Variants in ADGRL2 observed in about 807,000 individuals in gnomAD.
ADGRL2 encodes calcium-independent alpha-latrotoxin receptor 2.
In ADGRL2, 44 loss-of-function variants were observed where a neutral mutation model predicts 157.4. That is an observed-to-expected ratio of 0.28 (90% CI 0.22 to 0.36). ADGRL2 has a LOEUF of 0.36. ADGRL2 is among the 10% of genes least tolerant of loss of function. ADGRL2 has a pLI of 1.00. For synonymous variants in ADGRL2, 585 were observed against 624.7 expected, an observed-to-expected ratio of 0.94 and a Z score of 0.95; for missense variants, 1,510 against 1,768.9, an observed-to-expected ratio of 0.85 and a Z score of 2.63.
chr1:81,789,365 AATG>A (rs1250094186), intron 2 of ADGRL2, among the ~76,000 whole-genome samples: 2 of 152,218 alleles, frequency 1.3e-5, no homozygotes, highest in East Asian at 3.8e-4. Flanking sequence ...AGAAAGATAA[AATG>A]ATGTTTAGTA....
intron 2 of ADGRL2, among the ~76,000 whole-genome samples, chr1:81,538,522 T>C (rs6663174): frequency 6.6e-6 from 1 of 152,150 alleles, no homozygotes; most frequent in Non-Finnish European, 1.5e-5. Flanking sequence ...TTCATGGTAG[T>C]TGTTCAGGCA....
intron 3 of ADGRL2, among the ~76,000 whole-genome samples, chr1:81,673,546 A>G (rs939405790): frequency 1.9e-4 from 23 of 120,054 alleles, no homozygotes; most frequent in African/African-American, 7.0e-4. Flanking sequence ...ACGGAGTCTC[A>G]CTCTGTCGCC....
intron 3 of ADGRL2, among the ~76,000 whole-genome samples, chr1:81,655,946 T>C (rs550890122): frequency 2.0e-5 from 3 of 152,248 alleles, no homozygotes; most frequent in East Asian, 3.9e-4. Flanking sequence ...GGTTCAAAGG[T>C]TCAGGACTGC....
intron 1 of ADGRL2, among the ~76,000 whole-genome samples, chr1:81,810,563 C>T (rs12126419): frequency 0.078 from 11,768 of 151,808 alleles, 558 homozygotes; most frequent in South Asian, 0.2. Context: ...TGTCAGGATG[C>T]TTATGGCGTA....
At chr1:81,936,513 A>G (rs1433836495) in intron 3 of ADGRL2, among the ~76,000 whole-genome samples, 1 of 151,866 alleles carries the variant, frequency 6.6e-6, no homozygotes, top group Non-Finnish European at 1.5e-5. Flanking sequence ...CTTCTAGTTA[A>G]AATTTAGTGT....
intron 1 of ADGRL2, among the ~76,000 whole-genome samples, chr1:81,403,242 GTTGT>G (rs71980349): frequency 0.39 from 47,613 of 121,714 alleles, 8,367 homozygotes; most frequent in East Asian, 0.63. Flanking sequence ...TTTTTTTGTT[GTTGT>G]TTGTTTGTTT....
At chr1:81,493,234 A>G (rs1231593331) in intron 2 of ADGRL2, among the ~76,000 whole-genome samples, 1 of 152,242 alleles carries the variant, frequency 6.6e-6, no homozygotes, top group Admixed American at 6.5e-5. Context: ...TAAATGCAAT[A>G]GCATGATAGC....
intron 1 of ADGRL2, among the ~76,000 whole-genome samples, chr1:81,418,803 T>C (rs561388805): frequency 6.6e-6 from 1 of 152,206 alleles, no homozygotes; most frequent in South Asian, 2.1e-4. Flanking sequence ...TCTAACTTGC[T>C]GAGGTTGATA....
chr1:81,644,980 T>C (rs2148817078), intron 3 of ADGRL2, among the ~76,000 whole-genome samples: 1 of 152,350 alleles, frequency 6.6e-6, no homozygotes, highest in Non-Finnish European at 1.5e-5. Context: ...TATGATGTAG[T>C]CCATTGATTG....
intron 2 of ADGRL2, among the ~76,000 whole-genome samples, chr1:81,556,293 C>T (rs771537947): frequency 2.7e-5 from 4 of 149,972 alleles, no homozygotes; most frequent in Admixed American, 1.3e-4. Context: ...CCTCATCCCC[C>T]GATTCTCAGG....
chr1:81,589,304 T>G (rs1369629357), intron 3 of ADGRL2, among the ~76,000 whole-genome samples: 1 of 152,124 alleles, frequency 6.6e-6, no homozygotes, highest in Non-Finnish European at 1.5e-5. Context: ...CCCTGTAGAA[T>G]GTCTATACAG....
intron 2 of ADGRL2, among the ~76,000 whole-genome samples, chr1:81,871,594 C>A (rs2151017618): frequency 6.6e-6 from 1 of 152,258 alleles, no homozygotes; most frequent in Middle Eastern, 3.4e-3. Flanking sequence ...TCTCCAGCAC[C>A]TGTTGTTTCC....
chr1:81,473,220 C>G (rs1286212607), intron 2 of ADGRL2, among the ~76,000 whole-genome samples: 1 of 152,004 alleles, frequency 6.6e-6, no homozygotes, highest in African/African-American at 2.4e-5. Flanking sequence ...TTGACTTTTG[C>G]GATTGTCTCA....
Position 81,990,675 on chromosome 1 carries a change from G to C in ADGRL2, c.3940G>C (p.Asp1314His), listed in dbSNP as rs779456032. The stretch of plus-strand genomic sequence containing the variant: ...CAGTGAAGATGATGCTATTGTGGCA[G>C]ATGCTTCATCTTTAATGCACAGCGA... Reference protein sequence around the residue: ...SSSEDDAIVADASSLMHSDNP... With the variant: ...SSSEDDAIVAHASSLMHSDNP... The change falls in exon 24 of 24, where the codon GAT (aspartate) becomes CAT (histidine). Residue 1314 changes from aspartate to histidine, a missense_variant. This residue lies in a region of ADGRL2 where 327 missense variants were observed against 310.1 expected (regional missense o/e 1.05). Coordinates refer to ENST00000686636, the MANE Select transcript of ADGRL2 (RefSeq NM_001366006.2). 2 of 1,614,192 alleles carry C rather than the reference G, an allele frequency of 1.2e-6. No individual in the cohort carries two copies. The highest frequency in any genetic ancestry group is 8.5e-7 in the Non-Finnish European group (1 of 1,180,030).
At chr1:81,823,884 G>A (rs11163383) in intron 1 of ADGRL2, among the ~76,000 whole-genome samples, 61,285 of 151,900 alleles carry the variant, frequency 0.4, 12,844 homozygotes, top group Middle Eastern at 0.6. Flanking sequence ...AGAAAACCAC[G>A]AAGTTAAAAA....
intron 2 of ADGRL2, among the ~76,000 whole-genome samples, chr1:81,489,011 T>G (rs146752262): frequency 6.6e-6 from 1 of 151,956 alleles, no homozygotes; most frequent in Non-Finnish European, 1.5e-5. Flanking sequence ...TGAGGTGGGT[T>G]GAGATCACCT....
chr1:81,859,281 A>T lies in ADGRL2; in HGVS notation c.73+22224A>T, dbSNP rs369306589. Reference sequence around the variant, plus strand: ...AAATAGTGTTGTTTAAATCGTGTCAATTCAGTGCTATTTTCTCTCTTATTG... The same window carrying T: ...AAATAGTGTTGTTTAAATCGTGTCATTTCAGTGCTATTTTCTCTCTTATTG... On this transcript the variant is annotated intron_variant, in intron 2 of 23. Transcript: ENST00000686636. 1.1e-3 allele frequency among the ~76,000 whole-genome samples: 170 copies of T among 152,172 alleles called. 6 individuals carry two copies. The South Asian group carries it at 0.032, about 29-fold the overall frequency.
At chr1:81,972,085 A>G (rs868785623) in intron 17 of ADGRL2, among the ~76,000 whole-genome samples, 167 bp downstream of exon 17, 1 of 152,126 alleles carries the variant, frequency 6.6e-6, no homozygotes, top group Non-Finnish European at 1.5e-5. Context: ...TAAACTTGCT[A>G]ATTAATATTT....
intron 3 of ADGRL2, among the ~76,000 whole-genome samples, chr1:81,931,719 T>C (rs2095233456): frequency 6.6e-6 from 1 of 152,118 alleles, no homozygotes; most frequent in African/African-American, 2.4e-5. Context: ...CCCTGGCCTG[T>C]GCTTCAGTGG....
Sources: allele counts gnomAD v4.1 joint callset (sites outside exome capture counted in the v4.1 genomes callset), GRCh38; gene constraint gnomAD v4.1.1; regional missense constraint gnomAD v4.1.1; transcripts MANE v1.5; gene names NCBI Gene and HGNC (gene_info 2026-07-23, HGNC 2026-07-21).